The following SNTG1 variants were observed in gnomAD, a reference collection of about 807,000 sequenced individuals.
SNTG1 encodes syntrophin gamma 1, also known as gamma-1-syntrophin.
A neutral mutation model predicts 74.7 loss-of-function variants in SNTG1; 39 were observed. That is an observed-to-expected ratio of 0.52 (90% CI 0.40 to 0.68). The LOEUF (loss-of-function observed/expected upper bound fraction) is 0.68, where lower values mean the gene tolerates loss of function less well. SNTG1 is among the 30% of genes least tolerant of loss of function. SNTG1 has a pLI of 0.00. For synonymous variants in SNTG1, 254 were observed against 217.1 expected, an observed-to-expected ratio of 1.17 and a Z score of -1.49; for missense variants, 685 against 609.5, an observed-to-expected ratio of 1.12 and a Z score of -1.30.
chr8:50,416,445 G>GC (rs2093014842), intron 4 of SNTG1, among the ~76,000 whole-genome samples: 1 of 151,458 alleles, frequency 6.6e-6, no homozygotes, highest in African/African-American at 2.4e-5. Context: ...AGAATTTAAG[G>GC]CCTTCTTACT....
At chr8:50,195,797 C>T (rs2083747082) in intron 2 of SNTG1, among the ~76,000 whole-genome samples, 1 of 152,152 alleles carries the variant, frequency 6.6e-6, no homozygotes, top group African/African-American at 2.4e-5. Context: ...CTGGGTCCTA[C>T]AGGAGCAGTT....
intron 9 of SNTG1, among the ~76,000 whole-genome samples, chr8:50,509,698 T>C (rs147008430): frequency 0.13 from 20,336 of 151,958 alleles, 1,445 homozygotes; most frequent in Admixed American, 0.17. Context: ...GGAGTTCACT[T>C]ATGATTTGGC....
intron 1 of SNTG1, among the ~76,000 whole-genome samples, chr8:50,155,636 TA>T (rs1270404925): frequency 2.0e-5 from 3 of 152,012 alleles, no homozygotes; most frequent in Non-Finnish European, 4.4e-5. Context: ...ATAGATAATT[TA>T]AAGATAATAA....
At chr8:49,934,313 ATC>A (rs1245501028) in intron 1 of SNTG1, among the ~76,000 whole-genome samples, 30 of 151,784 alleles carry the variant, frequency 2.0e-4, no homozygotes, top group Middle Eastern at 3.4e-3. Flanking sequence ...CTATCTATCT[ATC>A]TATCTATCTA....
chr8:50,670,559 A>G (rs2095275638), intron 15 of SNTG1, among the ~76,000 whole-genome samples: 2 of 149,340 alleles, frequency 1.3e-5, no homozygotes, highest in South Asian at 4.4e-4. Context: ...AAACAAATGG[A>G]AGAACATTCC....
chr8:49,972,670 G>A (rs142959261), intron 1 of SNTG1, among the ~76,000 whole-genome samples: 2 of 150,258 alleles, frequency 1.3e-5, no homozygotes, highest in African/African-American at 2.4e-5. Flanking sequence ...AAATTTACAA[G>A]AAAAAAAAAC....
chr8:49,973,095 C>T (rs981675852), intron 1 of SNTG1, among the ~76,000 whole-genome samples: 6 of 152,088 alleles, frequency 3.9e-5, no homozygotes, highest in African/African-American at 1.2e-4. Flanking sequence ...TTCACAATAG[C>T]AAAGACTTGG....
chr8:50,028,255 C>G (rs1340078934), intron 1 of SNTG1, among the ~76,000 whole-genome samples: 2 of 151,976 alleles, frequency 1.3e-5, no homozygotes, highest in African/African-American at 2.4e-5. Context: ...AGCTTAATGA[C>G]CTTGAGATGG....
chr8:50,083,063 A>C (rs1432687242), intron 1 of SNTG1, among the ~76,000 whole-genome samples: 1 of 152,098 alleles, frequency 6.6e-6, no homozygotes, highest in Non-Finnish European at 1.5e-5. Context: ...TATCCTTCCA[A>C]TTTGGGTTAA....
chr8:50,448,088 A>G (rs991667581), intron 5 of SNTG1, among the ~76,000 whole-genome samples: 3 of 152,184 alleles, frequency 2.0e-5, no homozygotes, highest in Non-Finnish European at 2.9e-5. Flanking sequence ...TTTGTTAGGG[A>G]CACACAGACC....
intron 1 of SNTG1, among the ~76,000 whole-genome samples, chr8:50,046,082 G>C (rs567505882): frequency 6.6e-6 from 1 of 152,306 alleles, no homozygotes; most frequent in Admixed American, 6.5e-5. Flanking sequence ...TTGTGCTTGT[G>C]ATCTAATAAA....
At chr8:50,573,871 G>A in intron 12 of SNTG1, among the ~76,000 whole-genome samples, 1 of 151,816 alleles carries the variant, frequency 6.6e-6, no homozygotes, top group East Asian at 1.9e-4. Flanking sequence ...TTTAATAACT[G>A]TTTTTAAATG....
chr8:50,196,338 C>G (rs2131815294), intron 2 of SNTG1, among the ~76,000 whole-genome samples: 1 of 152,236 alleles, frequency 6.6e-6, no homozygotes, highest in South Asian at 2.1e-4. Flanking sequence ...ACATGAGATT[C>G]TTATGAAAGC....
chr8:50,754,173 A>T (rs1380859137), intron 18 of SNTG1, among the ~76,000 whole-genome samples: 2 of 151,746 alleles, frequency 1.3e-5, no homozygotes, highest in African/African-American at 4.8e-5. Context: ...TCTTGTGTGG[A>T]CATAAGCTTT....
chr8:49,976,304 A>T (rs1220884518), intron 1 of SNTG1, among the ~76,000 whole-genome samples: 1 of 152,220 alleles, frequency 6.6e-6, no homozygotes, highest in Non-Finnish European at 1.5e-5. Flanking sequence ...TATATTAGTT[A>T]AGTGCCTCAG....
At chr8:49,988,046 A>G (rs1813340310) in intron 1 of SNTG1, among the ~76,000 whole-genome samples, 1 of 152,188 alleles carries the variant, frequency 6.6e-6, no homozygotes, top group African/African-American at 2.4e-5. Context: ...TTGATAACCC[A>G]GGGTGACTGT....
chr8:49,996,738 C>G (rs1814259202), intron 1 of SNTG1, among the ~76,000 whole-genome samples: 1 of 152,072 alleles, frequency 6.6e-6, no homozygotes, highest in Admixed American at 6.6e-5. Context: ...GTTCTAATAT[C>G]TATCATTTCA....
chr8:50,301,799 C>T (rs936758256), intron 2 of SNTG1, among the ~76,000 whole-genome samples: 2 of 151,816 alleles, frequency 1.3e-5, no homozygotes, highest in Non-Finnish European at 2.9e-5. Flanking sequence ...TGCCCTGAAA[C>T]ATGTATTTAT....
chr8:50,334,361 G>A (rs931907156), intron 2 of SNTG1, among the ~76,000 whole-genome samples: 1 of 152,178 alleles, frequency 6.6e-6, no homozygotes, highest in East Asian at 1.9e-4. Context: ...CAGTAACTTT[G>A]TGGTGATTTG....
Sources: gnomAD v4.1 joint callset for allele counts (sites outside exome capture counted in the v4.1 genomes callset) on GRCh38, gnomAD v4.1.1 for gene constraint, MANE v1.5 for transcripts, NCBI Gene and HGNC (gene_info 2026-07-23, HGNC 2026-07-21) for gene names.